The following HEMK2 variants were observed in gnomAD, a reference collection of about 807,000 sequenced individuals.
HEMK2 encodes the protein HemK methyltransferase 2, ETF1 glutamine and histone H4 lysine, also known as methyltransferase HEMK2.
chr21:28,757,758 C>T, the HEMK2 span, among the ~76,000 whole-genome samples: 2 of 152,154 alleles, frequency 1.3e-5, no homozygotes, highest in East Asian at 3.9e-4. Context: ...CTAGGATAAG[C>T]GTAGACGTAA....
the HEMK2 span, among the ~76,000 whole-genome samples, chr21:28,818,566 T>C: frequency 6.6e-6 from 1 of 152,166 alleles, no homozygotes; most frequent in Non-Finnish European, 1.5e-5. Context: ...CCAAAGCACC[T>C]TGTGTTTTTC....
the HEMK2 span, among the ~76,000 whole-genome samples, chr21:28,821,160 C>A: frequency 2.0e-5 from 3 of 152,114 alleles, no homozygotes; most frequent in African/African-American, 7.2e-5. Flanking sequence ...ATTTTTCCTG[C>A]CAACCTTCCA....
At chr21:28,816,554 G>A in the HEMK2 span, among the ~76,000 whole-genome samples, 11 of 152,082 alleles carry the variant, frequency 7.2e-5, no homozygotes, top group Non-Finnish European at 1.6e-4. Flanking sequence ...GGTGGCATAC[G>A]CTTGTAGTCC....
At chr21:28,883,080 AAAAT>A in the HEMK2 span, 5 of 1,577,388 alleles carry the variant, frequency 3.2e-6, no homozygotes, top group Admixed American at 3.4e-5. Flanking sequence ...CTCTGAAAAA[AAAAT>A]AAATAAATAT....
At chr21:28,844,123 C>T in the HEMK2 span, among the ~76,000 whole-genome samples, 3 of 151,922 alleles carry the variant, frequency 2.0e-5, no homozygotes, top group African/African-American at 4.8e-5. Flanking sequence ...AATACATATA[C>T]ACAAATTTCA....
At chr21:28,586,045 G>A in the HEMK2 span, among the ~76,000 whole-genome samples, 1 of 152,156 alleles carries the variant, frequency 6.6e-6, no homozygotes, top group African/African-American at 2.4e-5. Context: ...CAAATGCTAG[G>A]AGAAAGATAG....
At chr21:28,580,583 G>A in the HEMK2 span, among the ~76,000 whole-genome samples, 19 of 150,022 alleles carry the variant, frequency 1.3e-4, no homozygotes, top group South Asian at 3.4e-3. Flanking sequence ...AAAAAAAGAC[G>A]ACGAAGAAGA....
the HEMK2 span, among the ~76,000 whole-genome samples, chr21:28,831,638 A>G: frequency 7.5e-3 from 247 of 33,002 alleles, 7 homozygotes; most frequent in Middle Eastern, 0.02. Flanking sequence ...AAGGAAGGAA[A>G]GAAAGAAAGA....
the HEMK2 span, among the ~76,000 whole-genome samples, chr21:28,803,709 C>T: frequency 1.3e-5 from 2 of 152,230 alleles, no homozygotes; most frequent in African/African-American, 4.8e-5. Flanking sequence ...TTACACCCCA[C>T]CTTCACCCAC....
At chr21:28,759,170 G>A in the HEMK2 span, among the ~76,000 whole-genome samples, 2,822 of 152,258 alleles carry the variant, frequency 0.019, 43 homozygotes, top group Non-Finnish European at 0.025. Flanking sequence ...ATTCTTGACA[G>A]TTTATTAGCA....
the HEMK2 span, among the ~76,000 whole-genome samples, chr21:28,591,539 C>A: frequency 6.6e-6 from 1 of 152,282 alleles, no homozygotes; most frequent in East Asian, 1.9e-4. Flanking sequence ...AGCTGCGTAT[C>A]TAATAAGATT....
chr21:28,823,535 A>C, the HEMK2 span, among the ~76,000 whole-genome samples: 1 of 152,220 alleles, frequency 6.6e-6, no homozygotes, highest in Admixed American at 6.5e-5. Flanking sequence ...CATCTCAGAC[A>C]CTGAAACACA....
At chr21:28,872,345 G>C in the HEMK2 span, 5 of 152,154 alleles carry the variant, frequency 3.3e-5, no homozygotes, top group Admixed American at 3.3e-4. Context: ...CAAACTCCTC[G>C]TGGCTCCACC....
At chr21:28,733,575 C>T in the HEMK2 span, among the ~76,000 whole-genome samples, 1 of 152,128 alleles carries the variant, frequency 6.6e-6, no homozygotes, top group Admixed American at 6.5e-5. Flanking sequence ...TCCACCCACA[C>T]CTTACATTTT....
At chr21:28,699,823 T>A in the HEMK2 span, among the ~76,000 whole-genome samples, 1 of 152,256 alleles carries the variant, frequency 6.6e-6, no homozygotes, top group African/African-American at 2.4e-5. Flanking sequence ...GGTTTCGTCA[T>A]GCCCCATGAA....
At chr21:28,745,729 T>C in the HEMK2 span, among the ~76,000 whole-genome samples, 7 of 152,168 alleles carry the variant, frequency 4.6e-5, no homozygotes, top group East Asian at 9.6e-4. Context: ...TCCCGACATA[T>C]AACACACCCC....
the HEMK2 span, among the ~76,000 whole-genome samples, chr21:28,881,049 A>T: frequency 6.6e-6 from 1 of 151,830 alleles, no homozygotes; most frequent in African/African-American, 2.4e-5. Context: ...GCATGCTATT[A>T]TTATTTTTGC....
At chr21:28,885,129 T>TA in the HEMK2 span, 1 of 1,443,624 alleles carries the variant, frequency 6.9e-7, no homozygotes, top group Admixed American at 2.5e-5. Context: ...AGGGCGGTGA[T>TA]AGTCACCGTT....
the HEMK2 span, among the ~76,000 whole-genome samples, chr21:28,668,287 C>T: frequency 0.56 from 85,082 of 152,048 alleles, 26,615 homozygotes; most frequent in East Asian, 0.84. Context: ...AATAATGCTG[C>T]ATAAGAAGCA....
Sources: gnomAD v4.1 joint callset for allele counts (sites outside exome capture counted in the v4.1 genomes callset) on GRCh38, gnomAD v4.1.1 for gene constraint, MANE v1.5 for transcripts, NCBI Gene and HGNC (gene_info 2026-07-23, HGNC 2026-07-21) for gene names.